The following TRPM5 variants were observed in gnomAD, a reference collection of about 807,000 sequenced individuals.
TRPM5 encodes transient receptor potential cation channel subfamily M member 5, also known as MLSN1 and TRP-related.
Under a neutral mutation model 124.9 loss-of-function variants are expected in TRPM5, and 121 were observed. The observed-to-expected ratio is 0.97, with a 90% CI of 0.84 to 1.13. The LOEUF is 1.13. Among genes scored for constraint, TRPM5 ranks in the 50% most tolerant of loss-of-function variants. TRPM5 has a pLI of 0.00. For synonymous variants in TRPM5, 781 were observed against 700.5 expected (o/e 1.11, Z -1.81); for missense variants, 1,643 against 1,589.1 (o/e 1.03, Z -0.58).
the TRPM5 span, among the ~76,000 whole-genome samples, chr11:2,438,274 G>GGAATAA: frequency 1.3e-5 from 2 of 152,124 alleles, no homozygotes; most frequent in African/African-American, 4.8e-5. This position sits in a 1 kb window ranked among gnomAD's most constrained non-coding sequence, Gnocchi z 5.9. Context: ...CTTAAGAATA[G>GGAATAA]GAATAAGACA....
At chr11:2,413,670 G>C in intron 12 of TRPM5, 82 bp from the exon 18 acceptor site, 1 of 1,340,494 alleles carries the variant, frequency 7.5e-7, no homozygotes, top group Non-Finnish European at 1.0e-6. Context: ...CCTTCCCCCA[G>C]GTGCCTGGCC....
rs368603225 is a variant in TRPM5, at chr11:2,421,026, G to T, written c.465+6C>A. The T allele has an allele frequency of 2.0e-6, 3 of 1,536,286 alleles. No individual in the cohort carries two copies. The highest frequency in any genetic ancestry group is 2.6e-6 in the Non-Finnish European group (3 of 1,144,376). ...GCGGTCGTGGTGCTGGGAGCTGGACGTGCACCTGGGCCTCCTCCAGAATGC... is the reference window on the plus strand; with the variant it reads ...GCGGTCGTGGTGCTGGGAGCTGGACTTGCACCTGGGCCTCCTCCAGAATGC... On this transcript the variant is annotated splice_donor_region_variant and intron_variant, in intron 3 of 23. Transcript: ENST00000155858.
chr11:2,418,505 G>A (rs773864527), intron 5 of TRPM5, 22 bp downstream of exon 10: 1 of 1,605,394 alleles, frequency 6.2e-7, no homozygotes, highest in Non-Finnish European at 8.5e-7. Flanking sequence ...GGCCAGCCAG[G>A]GGGCCTCAGC....
Position 2,413,462 on chromosome 11 carries a change from C to T in TRPM5, c.2003+14G>A. On this transcript the variant is annotated intron_variant, in intron 13 of 23. Transcript: ENST00000155858. ...CTGCCTGTCCTGGCCGGGCAGCTCA[C>T]AGGCCTCACCCACCTGAAGGTGATG... 3 of 1,601,406 alleles carry T rather than the reference C, an allele frequency of 1.9e-6. No individual in the cohort carries two copies. The highest frequency in any genetic ancestry group is 1.3e-5 in the African/African-American group (1 of 74,650).
chr11:2,411,270 T>A (rs970432092), intron 18 of TRPM5, 82 bp downstream of exon 23: 1 of 1,440,868 alleles, frequency 6.9e-7, no homozygotes, highest in Admixed American at 2.6e-5. Context: ...AACAGACCTC[T>A]CTGGAGAGCC....
At chr11:2,421,062 G>A in exon 3 of TRPM5, 1 of 1,548,528 alleles carries the variant, frequency 6.5e-7, no homozygotes, top group Non-Finnish European at 8.7e-7. Flanking sequence ...GGCGGTGCAG[G>A]ACGCGGCCCA....
At chr11:2,438,679 C>G in the TRPM5 span, among the ~76,000 whole-genome samples, 2 of 152,012 alleles carry the variant, frequency 1.3e-5, no homozygotes, top group Non-Finnish European at 2.9e-5. This position sits in a 1 kb window ranked among gnomAD's most constrained non-coding sequence, Gnocchi z 5.9. Flanking sequence ...AAAAAAATTA[C>G]AGATGACACA....
At chr11:2,406,745 G>A (rs1850331226) in exon 21 of TRPM5, 1 of 1,613,534 alleles carries the variant, frequency 6.2e-7, no homozygotes, top group Non-Finnish European at 8.5e-7. Flanking sequence ...CTTCTGGACT[G>A]TCTCCCAGGT....
chr11:2,442,163 C>T, the TRPM5 span, among the ~76,000 whole-genome samples: 158 of 152,274 alleles, frequency 1.0e-3, no homozygotes, highest in Non-Finnish European at 1.8e-3. The surrounding 1 kb of genome is among the most constrained non-coding windows in gnomAD (Gnocchi z 5.9). Flanking sequence ...CTTTCTGATG[C>T]TCAAATTGTC....
intron 20 of TRPM5, 55 bp from the exon 26 acceptor site, chr11:2,406,848 G>C (rs1250880486): frequency 1.9e-5 from 30 of 1,580,720 alleles, no homozygotes; most frequent in Non-Finnish European, 8.6e-6. Context: ...GTCAGTGGCA[G>C]AGCCCAGGCC....
rs534892162 is a variant in TRPM5 at position 2,420,463 on chromosome 11, G to A, written c.466-58C>T. ...TCGAGAGGCAGCTTGGGCTGGTCCC[G>A]CTGCGGGATCCTCCCTGCCAGGCCG... On this transcript the variant is annotated intron_variant, in intron 3 of 23. Coordinates refer to ENST00000155858, the Ensembl canonical transcript of TRPM5. 245 of 1,514,192 alleles carry A rather than the reference G, an allele frequency of 1.6e-4. 3 individuals carry two copies. The South Asian group carries it at 2.7e-3, about 17-fold the overall frequency. The allele number at this position is 1,514,192 out of a possible 1,614,324, so 93.8% of individuals were successfully genotyped here.
chr11:2,415,975 C>T, exon 8 of TRPM5: 1 of 1,584,632 alleles, frequency 6.3e-7, no homozygotes, highest in Non-Finnish European at 8.6e-7. Flanking sequence ...CCACGGCCAG[C>T]TTGAGCTCAT....
chr11:2,415,427 G>A, exon 9 of TRPM5: 1 of 1,592,318 alleles, frequency 6.3e-7, no homozygotes, highest in South Asian at 1.1e-5. Flanking sequence ...ACTCGGGCTT[G>A]TTGCTGACCA....
intron 15 of TRPM5, 77 bp downstream of exon 20, chr11:2,412,677 C>A (rs904815384): frequency 2.1e-6 from 3 of 1,438,096 alleles, no homozygotes; most frequent in Non-Finnish European, 2.8e-6. Flanking sequence ...CCCCACCCTG[C>A]GAGGGCAGGA....
the TRPM5 span, among the ~76,000 whole-genome samples, chr11:2,430,752 G>GCGGTGATGGTGATGGTGTTGATGGTGA: frequency 7.6e-5 from 10 of 131,312 alleles, no homozygotes; most frequent in South Asian, 1.8e-3. Context: ...GGTGTTGGTG[G>GCGGTGATGGTGATGGTGTTGATGGTGA]TGGTGGTTTT....
At chr11:2,411,688 T>C (rs766215903) in exon 17 of TRPM5, 2 of 1,612,404 alleles carry the variant, frequency 1.2e-6, no homozygotes, top group Admixed American at 1.7e-5. Context: ...ATGGCAAAGA[T>C]ATGGATCAGC....
At chr11:2,441,416 T>C in the TRPM5 span, among the ~76,000 whole-genome samples, 1 of 151,966 alleles carries the variant, frequency 6.6e-6, no homozygotes, top group East Asian at 2.0e-4. This position sits in a 1 kb window ranked among gnomAD's most constrained non-coding sequence, Gnocchi z 7.2. Context: ...CCCTCAGCCC[T>C]TGGCCTCACC....
upstream of TRPM5, among the ~76,000 whole-genome samples, chr11:2,426,466 G>A (rs1300897644): frequency 5.3e-5 from 8 of 152,190 alleles, no homozygotes; most frequent in African/African-American, 9.6e-5. Context: ...CAGGGAGCCC[G>A]GGACAGCCAG....
At chr11:2,436,413 C>T in the TRPM5 span, among the ~76,000 whole-genome samples, 1 of 152,226 alleles carries the variant, frequency 6.6e-6, no homozygotes, top group Non-Finnish European at 1.5e-5. Flanking sequence ...GGCTGCCCAC[C>T]CCCATTTGCC....
Sources: gnomAD v4.1 joint callset for allele counts (sites outside exome capture counted in the v4.1 genomes callset) on GRCh38, gnomAD v4.1.1 for gene constraint, Gnocchi (gnomAD v3.1) non-coding constraint, MANE v1.5 for transcripts, NCBI Gene and HGNC (gene_info 2026-07-23, HGNC 2026-07-21) for gene names.